The following CMTM6 variants were observed in gnomAD, a reference collection of about 807,000 sequenced individuals.
CMTM6 encodes CKLF-like MARVEL transmembrane domain-containing protein 6.
In CMTM6, 5 loss-of-function variants were observed where a neutral mutation model predicts 13.6. The ratio of observed to expected loss-of-function variants is 0.37; its 90% CI spans 0.19 to 0.77. CMTM6 has a LOEUF of 0.77. Ranked by LOEUF, CMTM6 falls within the 30% of genes least tolerant of loss-of-function variation. The probability of loss-of-function intolerance (pLI) is 0.50; values close to 1 mark genes in which losing one functional copy is unlikely to be tolerated. For synonymous variants in CMTM6, 99 were observed against 84.5 expected, an observed-to-expected ratio of 1.17 and a Z score of -0.94; for missense variants, 196 against 218.6, an observed-to-expected ratio of 0.90 and a Z score of 0.65.
chr3:32,491,667 C>A, intron 2 of CMTM6, 43 bp downstream of exon 2: 2 of 1,475,514 alleles, frequency 1.4e-6, no homozygotes, highest in Non-Finnish European at 9.1e-7. Flanking sequence ...TGCCAGATTA[C>A]AAAACAGCTA....
chr3:32,495,391 A>G (rs1444711773), intron 1 of CMTM6, among the ~76,000 whole-genome samples: 1 of 152,230 alleles, frequency 6.6e-6, no homozygotes, highest in Non-Finnish European at 1.5e-5. Context: ...TTAGTCTCCT[A>G]TAATCATACT....
intron 1 of CMTM6, among the ~76,000 whole-genome samples, chr3:32,499,240 A>G (rs968147962): frequency 2.0e-5 from 3 of 152,220 alleles, no homozygotes; most frequent in African/African-American, 7.2e-5. Flanking sequence ...TTTACTATAC[A>G]TCAGTTTTCA....
intron 1 of CMTM6, among the ~76,000 whole-genome samples, chr3:32,499,158 C>G (rs1345480119): frequency 6.6e-6 from 1 of 152,162 alleles, no homozygotes; most frequent in Non-Finnish European, 1.5e-5. Flanking sequence ...CAAATATTTA[C>G]TCTTACAAAG....
intron 2 of CMTM6, among the ~76,000 whole-genome samples, chr3:32,489,435 G>C (rs1697232563): frequency 1.3e-5 from 2 of 152,016 alleles, no homozygotes; most frequent in South Asian, 4.2e-4. Flanking sequence ...TGGATCACCT[G>C]AGGTCAGGAG....
chr3:32,500,356 G>GA (rs1423712494), intron 1 of CMTM6, among the ~76,000 whole-genome samples: 1 of 152,184 alleles, frequency 6.6e-6, no homozygotes, highest in Non-Finnish European at 1.5e-5. Flanking sequence ...ACCTTCTTGG[G>GA]ACTTGCTGGA....
intron 1 of CMTM6, among the ~76,000 whole-genome samples, chr3:32,500,179 C>T (rs1276481819): frequency 6.6e-6 from 1 of 152,164 alleles, no homozygotes; most frequent in Non-Finnish European, 1.5e-5. Context: ...CGGGTTTCTC[C>T]ATTACAGTTG....
chr3:32,495,246 T>C (rs1180378978), intron 1 of CMTM6, among the ~76,000 whole-genome samples: 2 of 152,174 alleles, frequency 1.3e-5, no homozygotes, highest in African/African-American at 4.8e-5. Flanking sequence ...TAGTGAAGCA[T>C]GAAATAGCCC....
chr3:32,489,335 A>T (rs1697231600), intron 2 of CMTM6, among the ~76,000 whole-genome samples: 1 of 150,956 alleles, frequency 6.6e-6, no homozygotes, highest in Non-Finnish European at 1.5e-5. Flanking sequence ...TCAATCATTC[A>T]CTTAACATTT....
intron 1 of CMTM6, among the ~76,000 whole-genome samples, chr3:32,500,488 TAAAG>T (rs1697335100): frequency 6.6e-6 from 1 of 152,226 alleles, no homozygotes; most frequent in South Asian, 2.1e-4. Flanking sequence ...ATCTCCACAT[TAAAG>T]AAAGCATTCC....
At chr3:32,487,363 TTTC>T (rs1000862308) in intron 3 of CMTM6, among the ~76,000 whole-genome samples, 37 of 152,190 alleles carry the variant, frequency 2.4e-4, no homozygotes, top group African/African-American at 8.9e-4. Context: ...TATTTTTTTT[TTTC>T]TTCTTATAGA....
At chr3:32,488,364 A>AAC in intron 2 of CMTM6, 1 of 151,572 alleles carries the variant, frequency 6.6e-6, no homozygotes, top group Non-Finnish European at 1.4e-5. Flanking sequence ...AGTCCAAAAA[A>AAC]AGAAAAAAAA....
chr3:32,499,337 T>C (rs901371307), intron 1 of CMTM6, among the ~76,000 whole-genome samples: 16 of 152,196 alleles, frequency 1.1e-4, no homozygotes, highest in Admixed American at 9.8e-4. Flanking sequence ...TTATTTATAA[T>C]GTAATATATT....
chr3:32,483,144 ATTAC>A lies in CMTM6; in HGVS notation c.*812_*815del, dbSNP rs1178727332. ...TAAGTGGTCAAAGCTTGTTTTTATA[ATTAC>A]TTTCACTGTCTTGGGCAAAAAGTCT... On this transcript the variant is annotated 3_prime_UTR_variant, in exon 4 of 4. Transcript: ENST00000205636. The A allele has an allele frequency of 6.6e-6, 1 of 152,654 alleles. No individual in the cohort carries two copies. Among genetic ancestry groups the A allele is most frequent in the African/African-American group, 2.4e-5 (1 of 41,472 alleles). 9.5% of individuals were successfully genotyped at this position (152,654 alleles called of 1,614,324 possible).
intron 1 of CMTM6, among the ~76,000 whole-genome samples, chr3:32,502,033 A>G (rs955205032): frequency 6.6e-6 from 1 of 152,250 alleles, no homozygotes; most frequent in Non-Finnish European, 1.5e-5. Context: ...CTTTCCACTT[A>G]GAACCCATAT....
At chr3:32,490,641 C>T (rs146949475) in intron 2 of CMTM6, among the ~76,000 whole-genome samples, 6 of 152,078 alleles carry the variant, frequency 3.9e-5, no homozygotes, top group East Asian at 1.9e-4. Context: ...ACTTTTTTTA[C>T]GTTACACCAT....
intron 1 of CMTM6, among the ~76,000 whole-genome samples, chr3:32,498,866 CCG>C (rs1244129942): frequency 6.6e-6 from 1 of 151,946 alleles, no homozygotes; most frequent in Non-Finnish European, 1.5e-5. Flanking sequence ...GCATGAGCCA[CCG>C]CACCCGGCCT....
At chr3:32,498,732 ACAATACC>A (rs953446942) in intron 1 of CMTM6, among the ~76,000 whole-genome samples, 1 of 151,384 alleles carries the variant, frequency 6.6e-6, no homozygotes, top group African/African-American at 2.4e-5. Context: ...GGTGCACGCC[ACAATACC>A]CAGCTAATTT....
intron 2 of CMTM6, 26 bp downstream of exon 2, chr3:32,491,684 C>A (rs1272412093): frequency 6.4e-7 from 1 of 1,556,322 alleles, no homozygotes; most frequent in Non-Finnish European, 8.7e-7. Context: ...GCTATTAATA[C>A]AGGGATGATA....
intron 2 of CMTM6, among the ~76,000 whole-genome samples, chr3:32,490,786 T>G (rs565262787): frequency 1.1e-4 from 17 of 152,304 alleles, no homozygotes; most frequent in Non-Finnish European, 2.2e-4. Flanking sequence ...GTTTCACTGT[T>G]AAGAAATGAC....
Sources: allele counts gnomAD v4.1 joint callset (sites outside exome capture counted in the v4.1 genomes callset), GRCh38; gene constraint gnomAD v4.1.1; transcripts MANE v1.5; gene names NCBI Gene and HGNC (gene_info 2026-07-23, HGNC 2026-07-21).